THNSL1: variants seen among roughly 807,000 people sequenced by gnomAD.
THNSL1 encodes the protein threonine synthase like 1.
THNSL1 carries 48 observed loss-of-function variants against 50.4 expected under a neutral mutation model. The observed-to-expected ratio is 0.95, with a 90% CI of 0.76 to 1.21. THNSL1 has a LOEUF of 1.21. Among genes scored for constraint, THNSL1 ranks in the 50% most tolerant of loss-of-function variants. THNSL1 has a pLI of 0.00. For missense variants in THNSL1, 896 were observed against 871.7 expected (o/e 1.03, Z -0.35); for synonymous variants, 309 against 306.1 (o/e 1.01, Z -0.10).
Position 25,025,446 on chromosome 10 carries a change from A to G in THNSL1, c.2223A>G (p.Gln741=), listed in dbSNP as rs778608578. ...KSHVEQLVQN[Q]FI is the part of the protein sequence containing the mutation. ...ATGTGGAACAACTTGTCCAAAATCA[A>G]TTCATATGAAAGCTTTCAGAGTAAA... The change falls in exon 3 of 3, where the codon CAA becomes CAG. Residue 741 remains glutamine (Q), a synonymous_variant. Transcript: ENST00000376356. The G allele has an allele frequency of 6.3e-7, 1 of 1,599,490 alleles. No homozygotes were observed. Among genetic ancestry groups the G allele is most frequent in the African/African-American group, 1.3e-5 (1 of 74,118 alleles).
the THNSL1 span, among the ~76,000 whole-genome samples, chr10:24,993,328 T>C: frequency 6.6e-6 from 1 of 152,358 alleles, no homozygotes; most frequent in African/African-American, 2.4e-5. Context: ...TGTCACATTT[T>C]GTGTCAAGTG....
At chr10:24,999,388 T>TGATA in the THNSL1 span, 1 of 1,588,104 alleles carries the variant, frequency 6.3e-7, no homozygotes, top group Non-Finnish European at 8.5e-7. Flanking sequence ...AAATAAAGCA[T>TGATA]GATAAAACCT....
the THNSL1 span, chr10:24,952,445 C>G: frequency 8.2e-6 from 12 of 1,460,722 alleles, no homozygotes; most frequent in Non-Finnish European, 1.1e-5. The surrounding 1 kb of genome is among the most constrained non-coding windows in gnomAD (Gnocchi z 5.1). Flanking sequence ...TCCCCCGACG[C>G]ACGGCAAGCA....
chr10:24,976,882 A>G, the THNSL1 span, among the ~76,000 whole-genome samples: 5 of 152,190 alleles, frequency 3.3e-5, no homozygotes, highest in Admixed American at 3.3e-4. Flanking sequence ...CAAAAAAGCC[A>G]GGGAATTTGT....
At chr10:24,969,117 C>A in the THNSL1 span, among the ~76,000 whole-genome samples, 3 of 152,190 alleles carry the variant, frequency 2.0e-5, no homozygotes, top group Non-Finnish European at 2.9e-5. Flanking sequence ...TGGTCTGGAA[C>A]TCCTGACCTC....
At chr10:25,004,802 T>G in the THNSL1 span, among the ~76,000 whole-genome samples, 1 of 152,222 alleles carries the variant, frequency 6.6e-6, no homozygotes, top group South Asian at 2.1e-4. Context: ...TTGTTGCCAC[T>G]GCTTTTGGCA....
chr10:25,022,688 A>G (rs1850748783), intron 2 of THNSL1, among the ~76,000 whole-genome samples: 1 of 152,190 alleles, frequency 6.6e-6, no homozygotes, highest in South Asian at 2.1e-4. Flanking sequence ...CACAATGTTC[A>G]TATAACTGAA....
At chr10:24,975,188 T>C in the THNSL1 span, among the ~76,000 whole-genome samples, 3 of 151,878 alleles carry the variant, frequency 2.0e-5, no homozygotes, top group African/African-American at 7.3e-5. Context: ...TCAAAGCCAA[T>C]AAAGATAAAA....
chr10:24,998,941 G>A, the THNSL1 span, among the ~76,000 whole-genome samples: 1 of 152,162 alleles, frequency 6.6e-6, no homozygotes, highest in Non-Finnish European at 1.5e-5. Flanking sequence ...TAGTCTTAAA[G>A]GTCTGGGAGA....
At chr10:25,017,069 G>C (rs1206773451) in intron 1 of THNSL1, among the ~76,000 whole-genome samples, 1 of 152,170 alleles carries the variant, frequency 6.6e-6, no homozygotes, top group Non-Finnish European at 1.5e-5. Flanking sequence ...CTCCGGGTCG[G>C]CTCTGCGCCT....
At chr10:24,995,763 T>C in the THNSL1 span, 2 of 1,614,032 alleles carry the variant, frequency 1.2e-6, no homozygotes, top group Non-Finnish European at 1.7e-6. Flanking sequence ...TGATATCAGC[T>C]GCATTTGTAT....
upstream of THNSL1, among the ~76,000 whole-genome samples, chr10:25,012,530 G>A (rs979374785): frequency 6.6e-6 from 1 of 152,226 alleles, no homozygotes; most frequent in East Asian, 1.9e-4. Flanking sequence ...GCGTGACCTG[G>A]ATGTGAGACA....
chr10:25,026,467 A>G lies in THNSL1; in HGVS notation c.*1012A>G, dbSNP rs990556112. ...TGTATTTGTAGACAGCAGTTTCCCTATATTATTTGGAGTCAATTCTTACGT... is the reference window on the plus strand; with the variant it reads ...TGTATTTGTAGACAGCAGTTTCCCTGTATTATTTGGAGTCAATTCTTACGT... On this transcript the variant is annotated 3_prime_UTR_variant, in exon 3 of 3. Transcript: ENST00000376356. 2.4e-5 allele frequency: 4 copies of G among 167,074 alleles called. No homozygotes were observed. The highest frequency in any genetic ancestry group is 1.9e-4 in the East Asian group (1 of 5,208). The allele number at this position is 167,074 out of a possible 1,614,324, so 10.3% of individuals were successfully genotyped here. A position where few individuals can be genotyped will look rare whatever the true frequency, so the allele number is the denominator to read the frequency against.
At chr10:25,008,472 A>T in the THNSL1 span, among the ~76,000 whole-genome samples, 1 of 152,236 alleles carries the variant, frequency 6.6e-6, no homozygotes, top group Admixed American at 6.5e-5. Flanking sequence ...AAACAAAGAG[A>T]TGTTATAAAG....
the THNSL1 span, among the ~76,000 whole-genome samples, chr10:24,962,717 T>A: frequency 1.7e-4 from 26 of 152,330 alleles, no homozygotes; most frequent in East Asian, 5.0e-3. Flanking sequence ...CTGTGGTCAG[T>A]GGTTTTCTTG....
the THNSL1 span, among the ~76,000 whole-genome samples, chr10:24,955,794 A>C: frequency 6.6e-6 from 1 of 152,004 alleles, no homozygotes; most frequent in African/African-American, 2.4e-5. Flanking sequence ...AAAAATTAAA[A>C]ACTTAGCCAG....
chr10:24,996,791 G>A, the THNSL1 span, among the ~76,000 whole-genome samples: 1 of 152,108 alleles, frequency 6.6e-6, no homozygotes, highest in South Asian at 2.1e-4. Flanking sequence ...AACTGGATTA[G>A]CCTCTTGTTA....
chr10:25,017,662 C>T (rs1431666289), intron 1 of THNSL1, among the ~76,000 whole-genome samples: 1 of 150,418 alleles, frequency 6.6e-6, no homozygotes, highest in Non-Finnish European at 1.5e-5. Context: ...AATTTTTGTC[C>T]CAGACGCTTA....
chr10:25,007,661 C>G, the THNSL1 span, among the ~76,000 whole-genome samples: 4,374 of 152,194 alleles, frequency 0.029, 138 homozygotes, highest in African/African-American at 0.078. Context: ...TTCTCGATCT[C>G]CTGACCTCAT....
Sources: gnomAD v4.1 joint callset for allele counts (sites outside exome capture counted in the v4.1 genomes callset) on GRCh38, gnomAD v4.1.1 for gene constraint, Gnocchi (gnomAD v3.1) non-coding constraint, MANE v1.5 for transcripts, NCBI Gene and HGNC (gene_info 2026-07-23, HGNC 2026-07-21) for gene names.